The following OCA2 variants were observed in gnomAD, a reference collection of about 807,000 sequenced individuals.
OCA2 encodes the protein OCA2 melanosomal transmembrane protein.
A neutral mutation model predicts 100.2 loss-of-function variants in OCA2; 77 were observed. The ratio of observed to expected loss-of-function variants is 0.77; its 90% CI spans 0.64 to 0.93. The LOEUF (loss-of-function observed/expected upper bound fraction) is 0.93, where lower values mean the gene tolerates loss of function less well. Ranked by LOEUF, OCA2 falls within the 40% of genes least tolerant of loss-of-function variation. The probability of loss-of-function intolerance (pLI) is 0.00; values close to 1 mark genes in which losing one functional copy is unlikely to be tolerated. For synonymous variants in OCA2, 432 were observed against 439.2 expected (o/e 0.98, Z 0.21); for missense variants, 1,062 against 1,089.1 (o/e 0.98, Z 0.35).
chr15:27,937,088 C>A (rs537910692), intron 18 of OCA2, among the ~76,000 whole-genome samples: 6 of 152,284 alleles, frequency 3.9e-5, no homozygotes, highest in African/African-American at 1.2e-4. Flanking sequence ...CAAAAGGTTT[C>A]ATGACCGAGG....
intron 19 of OCA2, among the ~76,000 whole-genome samples, chr15:27,876,013 T>C (rs1371253158): frequency 6.6e-6 from 1 of 152,092 alleles, no homozygotes; most frequent in Non-Finnish European, 1.5e-5. Context: ...GCTTTATTTC[T>C]TTATATTGTC....
intron 5 of OCA2, 46 bp from the exon 6 acceptor site, chr15:28,022,619 C>G: frequency 7.2e-7 from 1 of 1,393,556 alleles, no homozygotes; most frequent in Non-Finnish European, 1.0e-6. Flanking sequence ...GGTATGAGAG[C>G]AGTAAGGTAT....
intron 2 of OCA2, among the ~76,000 whole-genome samples, chr15:28,034,410 G>A (rs750074790): frequency 1.3e-5 from 2 of 152,180 alleles, no homozygotes; most frequent in Non-Finnish European, 2.9e-5. Context: ...CCTTAAGAAT[G>A]GCTGCCATGT....
At chr15:27,948,126 AG>A (rs1567141437) in intron 18 of OCA2, among the ~76,000 whole-genome samples, 1 of 152,160 alleles carries the variant, frequency 6.6e-6, no homozygotes, top group Non-Finnish European at 1.5e-5. Context: ...CTAGCTGGGA[AG>A]GGGGAGGACA....
intron 2 of OCA2, among the ~76,000 whole-genome samples, chr15:28,067,073 C>T (rs879626682): frequency 1.3e-5 from 2 of 152,192 alleles, no homozygotes; most frequent in African/African-American, 2.4e-5. Context: ...GCTGTAACCT[C>T]GGACCTCCTG....
intron 19 of OCA2, among the ~76,000 whole-genome samples, chr15:27,890,707 A>G (rs1328408048): frequency 6.6e-6 from 1 of 152,288 alleles, no homozygotes; most frequent in East Asian, 1.9e-4. Flanking sequence ...GGCTAAAAGA[A>G]GTTCTTCAAA....
intron 20 of OCA2, among the ~76,000 whole-genome samples, chr15:27,871,583 C>T (rs955127128): frequency 2.0e-5 from 3 of 152,222 alleles, no homozygotes; most frequent in African/African-American, 7.2e-5. Context: ...GGCTGGGGCG[C>T]CTGCAGCACT....
chr15:27,771,838 T>C (rs919049946), intron 23 of OCA2, among the ~76,000 whole-genome samples: 1 of 152,238 alleles, frequency 6.6e-6, no homozygotes, highest in South Asian at 2.1e-4. Flanking sequence ...CTATCAATAA[T>C]GTTTACCCCC....
At chr15:27,834,763 C>T (rs1567005892) in intron 23 of OCA2, among the ~76,000 whole-genome samples, 2 of 152,198 alleles carry the variant, frequency 1.3e-5, no homozygotes, top group African/African-American at 2.4e-5. Context: ...GCTAAGTCAG[C>T]GCCTGTCACC....
At chr15:27,936,250 A>G (rs2039447366) in intron 18 of OCA2, among the ~76,000 whole-genome samples, 1 of 148,434 alleles carries the variant, frequency 6.7e-6, no homozygotes, top group Non-Finnish European at 1.5e-5. Context: ...CACCCACTCC[A>G]CAGTTGGGTG....
At chr15:28,017,525 A>C (rs17652055) in intron 7 of OCA2, among the ~76,000 whole-genome samples, 6,170 of 152,298 alleles carry the variant, frequency 0.041, 212 homozygotes, top group South Asian at 0.14. Context: ...CAGGGAACCA[A>C]GTTGACATCC....
chr15:27,813,605 A>G (rs982198285), intron 23 of OCA2, among the ~76,000 whole-genome samples: 2 of 152,208 alleles, frequency 1.3e-5, no homozygotes, highest in Non-Finnish European at 2.9e-5. Context: ...GGGACCTTTC[A>G]TCTCCATTCA....
intron 23 of OCA2, among the ~76,000 whole-genome samples, chr15:27,834,250 T>TA (rs2151327431): frequency 6.6e-6 from 1 of 152,300 alleles, no homozygotes; most frequent in African/African-American, 2.4e-5. Flanking sequence ...TCAAACCCCC[T>TA]AAGCAGTGGA....
chr15:27,966,931 C>T, intron 14 of OCA2, 109 bp from the exon 15 acceptor site: 2 of 1,216,808 alleles, frequency 1.6e-6, no homozygotes, highest in South Asian at 2.6e-5. Context: ...AGATGGAGAC[C>T]ATCCTGGCTA....
At chr15:27,753,723 C>T (rs576111700), downstream of OCA2, among the ~76,000 whole-genome samples, 10 of 150,936 alleles carry the variant, frequency 6.6e-5, no homozygotes, top group Admixed American at 1.3e-4. Context: ...GGCAACTGAG[C>T]GAGACTCCAT....
At chr15:27,752,812 C>T (rs984759032), downstream of OCA2, among the ~76,000 whole-genome samples, 7 of 122,514 alleles carry the variant, frequency 5.7e-5, no homozygotes, top group East Asian at 1.4e-3. Context: ...CCCCCCCCCC[C>T]CCCCAGAGGC....
In OCA2 at chr15:27,990,589, G is replaced by A. The variant is rs61745150; in HGVS notation, c.1103C>T (p.Ala368Val). 213 of 1,613,980 alleles carry A rather than the reference G, an allele frequency of 1.3e-4. 1 individual carries two copies. The African/African-American group carries it at 2.7e-3, about 20-fold the overall frequency. Residue 368 changes from alanine to valine, a missense_variant, in exon 10 of 24, where the codon GCT (alanine) becomes GTT (valine). By Grantham distance (64) the Ala-to-Val change is moderately conservative. Transcript: ENST00000354638. ...GTGACAACTTACATCGCCAATCACA[G>A]CCAGTGCTGCCAGTGCTGCAAGGGA... is the stretch of plus-strand genomic sequence containing the variant. Reference protein sequence around the residue: ...LGSLAALAALAVIGDRPSLTH... With the variant: ...LGSLAALAALVVIGDRPSLTH...
chr15:28,081,312 ACT>A lies in OCA2; in HGVS notation c.227+334_227+335del, dbSNP rs1444020770. Among the ~76,000 whole-genome samples, 307 of 152,328 alleles carry A rather than the reference ACT, an allele frequency of 2.0e-3. 2 individuals carry two copies. Among genetic ancestry groups the A allele is most frequent in the African/African-American group, 7.2e-3 (298 of 41,568 alleles). ...ATGAAAAACAATACTCAGTTAATTC[ACT>A]TGCTATATGTATAGAAATAAGGCAT... On this transcript the variant is annotated intron_variant, in intron 2 of 23. Coordinates refer to ENST00000354638, the MANE Select transcript of OCA2 (RefSeq NM_000275.3).
At chr15:27,965,868 A>T (rs909051860) in intron 15 of OCA2, among the ~76,000 whole-genome samples, 1 of 152,230 alleles carries the variant, frequency 6.6e-6, no homozygotes, top group Non-Finnish European at 1.5e-5. Context: ...TCAGTAAAAC[A>T]TCTACTAAAG....
Sources: gnomAD v4.1 joint callset for allele counts (sites outside exome capture counted in the v4.1 genomes callset) on GRCh38, gnomAD v4.1.1 for gene constraint, MANE v1.5 for transcripts, NCBI Gene and HGNC (gene_info 2026-07-23, HGNC 2026-07-21) for gene names.